The following CSMD1 variants were observed in gnomAD, a reference collection of about 807,000 sequenced individuals.
CSMD1 encodes CUB and Sushi multiple domains 1, also known as CUB and sushi domain-containing protein 1.
Under a neutral mutation model 417.5 loss-of-function variants are expected in CSMD1, and 213 were observed. That is an observed-to-expected ratio of 0.51 (90% CI 0.46 to 0.57). The LOEUF (loss-of-function observed/expected upper bound fraction) is 0.57, where lower values mean the gene tolerates loss of function less well. Among genes scored for constraint, CSMD1 ranks in the 20% least tolerant of loss-of-function variants. CSMD1 has a pLI of 0.00. For synonymous variants in CSMD1, 2,862 were observed against 1,736.8 expected, an observed-to-expected ratio of 1.65 and a Z score of -16.11; for missense variants, 6,923 against 4,529.7, an observed-to-expected ratio of 1.53 and a Z score of -15.17.
intron 3 of CSMD1, among the ~76,000 whole-genome samples, chr8:4,260,239 C>T (rs1297115484): frequency 6.6e-6 from 1 of 152,178 alleles, no homozygotes; most frequent in African/African-American, 2.4e-5. Flanking sequence ...TTTGCTATTT[C>T]AACTTGCATT....
At chr8:3,791,865 T>C (rs1488985247) in intron 5 of CSMD1, among the ~76,000 whole-genome samples, 1 of 151,922 alleles carries the variant, frequency 6.6e-6, no homozygotes, top group East Asian at 1.9e-4. Flanking sequence ...AAACCCTTTG[T>C]ATAGGTTGGT....
At chr8:3,568,642 C>G (rs944466275) in intron 10 of CSMD1, among the ~76,000 whole-genome samples, 1 of 151,944 alleles carries the variant, frequency 6.6e-6, no homozygotes, top group African/African-American at 2.4e-5. Context: ...ATAACAGAAA[C>G]TTTTAACTTA....
At chr8:4,372,325 G>T (rs952605553) in intron 3 of CSMD1, among the ~76,000 whole-genome samples, 2 of 152,142 alleles carry the variant, frequency 1.3e-5, no homozygotes, top group Non-Finnish European at 2.9e-5. Context: ...GACTGTGGTA[G>T]CATTAAAAGT....
intron 3 of CSMD1, among the ~76,000 whole-genome samples, chr8:4,338,058 C>T (rs1389444306): frequency 1.3e-5 from 2 of 152,096 alleles, no homozygotes; most frequent in African/African-American, 2.4e-5. Flanking sequence ...TTCAATAAAG[C>T]CCCATCATAC....
At chr8:4,567,320 G>C (rs1186998519) in intron 2 of CSMD1, among the ~76,000 whole-genome samples, 1 of 152,120 alleles carries the variant, frequency 6.6e-6, no homozygotes, top group Non-Finnish European at 1.5e-5. Flanking sequence ...TTTATTAAAA[G>C]TAAGCAAAAC....
intron 10 of CSMD1, among the ~76,000 whole-genome samples, chr8:3,497,482 C>T (rs529497488): frequency 7.2e-5 from 11 of 152,306 alleles, no homozygotes; most frequent in Middle Eastern, 3.4e-3. Flanking sequence ...TCTCAGCTCA[C>T]TGCAACCTGT....
chr8:4,714,775 T>A (rs890572871), intron 1 of CSMD1, among the ~76,000 whole-genome samples: 1 of 152,192 alleles, frequency 6.6e-6, no homozygotes, highest in African/African-American at 2.4e-5. Context: ...GGAAAAATAA[T>A]GTTAGGAAAA....
intron 1 of CSMD1, among the ~76,000 whole-genome samples, chr8:4,948,384 T>C (rs1236013070): frequency 2.0e-5 from 3 of 152,066 alleles, no homozygotes; most frequent in African/African-American, 7.2e-5. Context: ...TTATATATTC[T>C]GTACTAGTTA....
rs73660900 is a variant in CSMD1, at chr8:4,529,657, A to G, written c.302+107685T>C. On this transcript the variant is annotated intron_variant, in intron 2 of 69. Coordinates refer to ENST00000635120, the MANE Select transcript of CSMD1 (RefSeq NM_033225.6). ...AAATTGCAACAGGATGTTAAATTCCATATTAACAGCAAATTAGTTTTTAGT... is the reference window on the plus strand; with the variant it reads ...AAATTGCAACAGGATGTTAAATTCCGTATTAACAGCAAATTAGTTTTTAGT... Among the ~76,000 whole-genome samples the G allele has an allele frequency of 2.5e-3, 378 of 152,260 alleles. 5 individuals carry two copies. The highest frequency in any genetic ancestry group is 8.6e-3 in the African/African-American group (357 of 41,580).
In CSMD1 at chr8:3,867,637, C is replaced by G. The variant is rs757834642; in HGVS notation, c.819-113595G>C. The stretch of plus-strand genomic sequence containing the variant: ...TACATATATCTATATATTTATATAT[C>G]TATATCTATGTATAGTATCTTGGTT... On this transcript the variant is annotated intron_variant, in intron 5 of 69. Coordinates refer to ENST00000635120, the MANE Select transcript of CSMD1 (RefSeq NM_033225.6). Among the ~76,000 whole-genome samples the G allele has an allele frequency of 7.9e-5, 12 of 151,998 alleles. No homozygotes were observed. The East Asian group carries it at 2.1e-3, about 27-fold the overall frequency.
intron 1 of CSMD1, among the ~76,000 whole-genome samples, chr8:4,926,559 A>C (rs1215948236): frequency 6.6e-6 from 1 of 152,200 alleles, no homozygotes; most frequent in Non-Finnish European, 1.5e-5. Flanking sequence ...TACAGATGTG[A>C]TATAGCCTTG....
chr8:4,086,908 A>G (rs866971916), intron 3 of CSMD1, among the ~76,000 whole-genome samples: 1 of 152,206 alleles, frequency 6.6e-6, no homozygotes, highest in South Asian at 2.1e-4. Flanking sequence ...CAATCAGGCA[A>G]GGGTTGAAGC....
In CSMD1 at chr8:3,219,277, T is replaced by C; in HGVS notation, c.4650A>G (p.Ser1550=). The change falls in exon 29 of 70, where the codon TCA becomes TCG. Residue 1550 remains serine, a synonymous_variant. Transcript: ENST00000635120. Reference sequence around the variant, plus strand: ...TACCTTTAAATTCAATGGCGAACCCTGAAAGGCCCACGGAGGCATCACTCC... The same window carrying C: ...TACCTTTAAATTCAATGGCGAACCCCGAAAGGCCCACGGAGGCATCACTCC... ...AFRSDASVGL[S]GFAIEFKEKP... 2 of 1,594,518 alleles carry C rather than the reference T, an allele frequency of 1.3e-6. No homozygotes were observed. The highest frequency in any genetic ancestry group is 1.8e-4 in the Middle Eastern group (1 of 5,698).
intron 5 of CSMD1, among the ~76,000 whole-genome samples, chr8:3,797,315 A>G (rs748316626): frequency 1.1e-4 from 16 of 152,114 alleles, no homozygotes; most frequent in Admixed American, 3.9e-4. Context: ...TCTTTGTTAT[A>G]TAATTCAATG....
intron 1 of CSMD1, among the ~76,000 whole-genome samples, chr8:4,839,016 G>A (rs564112962): frequency 6.6e-6 from 1 of 152,228 alleles, no homozygotes; most frequent in East Asian, 1.9e-4. Flanking sequence ...TCAGACTTGT[G>A]GTTTTGCCAG....
chr8:3,377,624 A>G (rs1269800300), intron 18 of CSMD1, among the ~76,000 whole-genome samples: 1 of 152,090 alleles, frequency 6.6e-6, no homozygotes, highest in Admixed American at 6.6e-5. Flanking sequence ...AGTTTCCATT[A>G]AACCTACTTT....
At chr8:4,199,121 G>GT (rs1799505120) in intron 3 of CSMD1, among the ~76,000 whole-genome samples, 1 of 152,126 alleles carries the variant, frequency 6.6e-6, no homozygotes, top group African/African-American at 2.4e-5. Context: ...TGTCCGTAAA[G>GT]TTCTCATATA....
chr8:4,685,997 C>T (rs549292011), intron 1 of CSMD1, among the ~76,000 whole-genome samples: 1 of 152,154 alleles, frequency 6.6e-6, no homozygotes, highest in Non-Finnish European at 1.5e-5. Context: ...GATTTTAAAA[C>T]CTTATTTTCT....
intron 1 of CSMD1, among the ~76,000 whole-genome samples, chr8:4,812,700 C>A (rs565171793): frequency 1.3e-5 from 2 of 152,038 alleles, no homozygotes. Flanking sequence ...ATGAAAGAAA[C>A]ATGTAAAAAA....
Sources: allele counts gnomAD v4.1 joint callset (sites outside exome capture counted in the v4.1 genomes callset), GRCh38; gene constraint gnomAD v4.1.1; transcripts MANE v1.5; gene names NCBI Gene and HGNC (gene_info 2026-07-23, HGNC 2026-07-21).